OR2M3: variants seen among roughly 807,000 people sequenced by gnomAD.
OR2M3 encodes the protein olfactory receptor 2M3.
In OR2M3, 1 loss-of-function variant was observed where a neutral mutation model predicts 4.3. The observed-to-expected ratio is 0.23, with a 90% CI of 0.08 to 1.11. The LOEUF (loss-of-function observed/expected upper bound fraction) is 1.11, where lower values mean the gene tolerates loss of function less well. Ranked by LOEUF, OR2M3 falls within the 50% of genes most tolerant of loss-of-function variation. The pLI is 0.54. For synonymous variants in OR2M3, 151 were observed against 139.4 expected (o/e 1.08, Z -0.59); for missense variants, 410 against 390.4 (o/e 1.05, Z -0.42).
At chr1:248,199,866 C>A (rs369124805) in intron 1 of OR2M3, among the ~76,000 whole-genome samples, 1 of 152,044 alleles carries the variant, frequency 6.6e-6, no homozygotes, top group Non-Finnish European at 1.5e-5. Context: ...AATAATAGTG[C>A]ATTTATATAA....
In OR2M3 at chr1:248,202,689, A is replaced by C. The variant is rs76499971; in HGVS notation, c.-18-361A>C. Among the ~76,000 whole-genome samples, 508 of 152,162 alleles carry C rather than the reference A, an allele frequency of 3.3e-3. 3 individuals are homozygous for C. Among genetic ancestry groups the C allele is most frequent in the African/African-American group, 0.012 (484 of 41,518 alleles). On this transcript the variant is annotated intron_variant, in intron 1 of 1. Coordinates refer to ENST00000641626, the MANE Select transcript of OR2M3 (RefSeq NM_001004689.2). ...TACTGTGATGGTCACATGCTGACTG[A>C]AGCTGAATTTCTCTATCAATGTGTC... is the stretch of plus-strand genomic sequence containing the variant.
intron 1 of OR2M3, among the ~76,000 whole-genome samples, chr1:248,201,325 A>C (rs1666154105): frequency 6.6e-6 from 1 of 152,050 alleles, no homozygotes; most frequent in Non-Finnish European, 1.5e-5. Context: ...GTCTTTGCCA[A>C]ATGCCATTAT....
rs903005492 is a variant in OR2M3, at chr1:248,211,778, G to C, written c.*7772G>C. On this transcript the variant is annotated 3_prime_UTR_variant, in exon 2 of 2. Coordinates refer to ENST00000641626, the MANE Select transcript of OR2M3 (RefSeq NM_001004689.2). ...TTTCCTAATTTGGCCAAGTGGCATG[G>C]GCTGAGCTAATTTTTGTATTTTTCA... 2.0e-5 allele frequency: 3 copies of C among 152,066 alleles called. No homozygotes were observed. Among genetic ancestry groups the C allele is most frequent in the Non-Finnish European group, 4.4e-5 (3 of 68,028 alleles). The allele number at this position is 152,066 out of a possible 1,614,324, so 9.4% of individuals were successfully genotyped here. A position where few individuals can be genotyped will look rare whatever the true frequency, so the allele number is the denominator to read the frequency against.
chr1:248,201,420 C>T (rs554097354), intron 1 of OR2M3, among the ~76,000 whole-genome samples: 2 of 152,074 alleles, frequency 1.3e-5, no homozygotes, highest in East Asian at 3.9e-4. Context: ...AAGTTTTCTC[C>T]AAAGCATTTA....
intron 1 of OR2M3, among the ~76,000 whole-genome samples, chr1:248,199,460 A>T (rs143457824): frequency 6.6e-6 from 1 of 152,082 alleles, no homozygotes; most frequent in Non-Finnish European, 1.5e-5. Context: ...TTATAAGACT[A>T]CATACAAATA....
rs2103016731 is a variant in OR2M3 at position 248,212,767 on chromosome 1, A to G, written c.*8761A>G. 6.6e-6 allele frequency: 1 copy of G among 152,126 alleles called. No individual in the cohort carries two copies. The highest frequency in any genetic ancestry group is 1.9e-4 in the East Asian group (1 of 5,182). 9.4% of individuals were successfully genotyped at this position (152,126 alleles called of 1,614,324 possible). ...CCTGTCTTTGTTTCCAGTCTCACCT[A>G]CTTTCAGCAGACAGGACAATATTTA... On this transcript the variant is annotated 3_prime_UTR_variant, in exon 2 of 2. Coordinates refer to ENST00000641626, the MANE Select transcript of OR2M3 (RefSeq NM_001004689.2).
Position 248,205,485 on chromosome 1 carries a change from G to C in OR2M3, c.*1479G>C, listed in dbSNP as rs531588334. 2.0e-5 allele frequency: 3 copies of C among 152,152 alleles called. No homozygotes were observed. Among genetic ancestry groups the C allele is most frequent in the South Asian group, 2.1e-4 (1 of 4,812 alleles). 9.4% of individuals were successfully genotyped at this position (152,152 alleles called of 1,614,324 possible). A position where few individuals can be genotyped will look rare whatever the true frequency, so the allele number is the denominator to read the frequency against. On this transcript the variant is annotated 3_prime_UTR_variant, in exon 2 of 2. Transcript: ENST00000641626. ...ATTTTTGTATAAGGTGAGCGATGAGGATCCAGTTTCATTCTTCTACATGTG... is the reference window on the plus strand; with the variant it reads ...ATTTTTGTATAAGGTGAGCGATGAGCATCCAGTTTCATTCTTCTACATGTG...
chr1:248,203,359 G>C lies in OR2M3; in HGVS notation c.292G>C (p.Ala98Pro). The C allele has an allele frequency of 6.2e-7, 1 of 1,614,076 alleles. No individual in the cohort carries two copies. Among genetic ancestry groups the C allele is most frequent in the Non-Finnish European group, 8.5e-7 (1 of 1,180,016 alleles). ...CAAGTCCATTTCTATGGCTGGTTGT[G>C]CCACACAAATTTTCTTCTATACATC... Reference protein sequence around the residue: ...GSKSISMAGCATQIFFYTSLL... With the variant: ...GSKSISMAGCPTQIFFYTSLL... The change falls in exon 2 of 2, where the codon GCC becomes CCC. Residue 98 changes from alanine (A) to proline (P), a missense_variant. Transcript: ENST00000641626.
chr1:248,201,867 C>T lies in OR2M3; in HGVS notation c.-18-1183C>T, dbSNP rs905295662. Among the ~76,000 whole-genome samples, 11 of 152,264 alleles carry T rather than the reference C, an allele frequency of 7.2e-5. No homozygotes were observed. In the South Asian group the frequency reaches 1.7e-3, roughly 23 times the overall value. ...ATATGTCATCATCTGATCACACTCACTGTGACCTGTATGCACAGGGACTTT... is the reference window on the plus strand; with the variant it reads ...ATATGTCATCATCTGATCACACTCATTGTGACCTGTATGCACAGGGACTTT... On this transcript the variant is annotated intron_variant, in intron 1 of 1. Transcript: ENST00000641626.
intron 1 of OR2M3, among the ~76,000 whole-genome samples, chr1:248,200,822 A>G (rs1015054722): frequency 1.3e-5 from 2 of 152,138 alleles, no homozygotes; most frequent in Admixed American, 6.6e-5. Context: ...AGTCAAAAAG[A>G]TATACTTTAC....
rs747905866 is a variant in OR2M3, at chr1:248,203,432, G to A, written c.365G>A (p.Arg122His). 5.3e-5 allele frequency: 85 copies of A among 1,613,846 alleles called. No homozygotes were observed. The highest frequency in any genetic ancestry group is 5.5e-5 in the Non-Finnish European group (65 of 1,179,910). ...CFLLAVMAYD[R>H]YTAICHPLRY... ...CTTTTGGCTGTTATGGCTTATGACC[G>A]CTACACTGCCATTTGCCACCCTCTA... The change falls in exon 2 of 2, where the codon CGC (arginine) becomes CAC (histidine). Residue 122 changes from arginine (R) to histidine (H), a missense_variant. Coordinates refer to ENST00000641626, the MANE Select transcript of OR2M3 (RefSeq NM_001004689.2).
rs948244220 is a variant in OR2M3, at chr1:248,211,432, T to A, written c.*7426T>A. On this transcript the variant is annotated 3_prime_UTR_variant, in exon 2 of 2. Coordinates refer to ENST00000641626, the MANE Select transcript of OR2M3 (RefSeq NM_001004689.2). ...TAAACTGCACAATGATACTTAAACATTTTATTAATAATTACAGGACTTATA... is the reference window on the plus strand; with the variant it reads ...TAAACTGCACAATGATACTTAAACAATTTATTAATAATTACAGGACTTATA... The A allele has an allele frequency of 6.6e-6, 1 of 152,130 alleles. No individual in the cohort carries two copies. Among genetic ancestry groups the A allele is most frequent in the Non-Finnish European group, 1.5e-5 (1 of 68,026 alleles). 9.4% of individuals were successfully genotyped at this position (152,130 alleles called of 1,614,324 possible).
At chr1:248,198,703 T>C (rs1179350625) in intron 1 of OR2M3, among the ~76,000 whole-genome samples, 1 of 152,166 alleles carries the variant, frequency 6.6e-6, no homozygotes, top group Admixed American at 6.6e-5. Context: ...TTACTATTGC[T>C]CTGGCAGGTG....
rs1057505689 is a variant in OR2M3 at position 248,209,464 on chromosome 1, G to A, written c.*5458G>A. 3 of 152,196 alleles carry A rather than the reference G, an allele frequency of 2.0e-5. No homozygotes were observed. The highest frequency in any genetic ancestry group is 6.5e-5 in the Admixed American group (1 of 15,280). The allele number at this position is 152,196 out of a possible 1,614,324, so 9.4% of individuals were successfully genotyped here. A position where few individuals can be genotyped will look rare whatever the true frequency, so the allele number is the denominator to read the frequency against. On this transcript the variant is annotated 3_prime_UTR_variant, in exon 2 of 2. Transcript: ENST00000641626. Reference sequence around the variant, plus strand: ...AGACTATGTCAGAGGGAAGACCTGGGATTCAAGTTCTGCTGTTCAGTGTCT... The same window carrying A: ...AGACTATGTCAGAGGGAAGACCTGGAATTCAAGTTCTGCTGTTCAGTGTCT...
Position 248,207,460 on chromosome 1 carries a change from C to G in OR2M3, c.*3454C>G, listed in dbSNP as rs1352841301. On this transcript the variant is annotated 3_prime_UTR_variant, in exon 2 of 2. Transcript: ENST00000641626. ...GGCATCTAATGGAATGAACTTTCCT[C>G]TTAGCACTGCTTTTGCTGTATCCCA... 2.0e-5 allele frequency: 3 copies of G among 152,024 alleles called. No individual in the cohort carries two copies. The highest frequency in any genetic ancestry group is 4.8e-5 in the African/African-American group (2 of 41,412). The allele number at this position is 152,024 out of a possible 1,614,324, so 9.4% of individuals were successfully genotyped here.
At chr1:248,202,765 T>TAA (rs5782455) in intron 1 of OR2M3, among the ~76,000 whole-genome samples, 2 of 148,186 alleles carry the variant, frequency 1.3e-5, no homozygotes, top group African/African-American at 2.5e-5. Context: ...TTGGAGACTT[T>TAA]AAAAAAAAAA....
chr1:248,203,582 G>A lies in OR2M3; in HGVS notation c.515G>A (p.Arg172Gln), dbSNP rs762336386. ...ATFSFSYCGS[R>Q]EIAHFFCDFP... is the part of the protein sequence containing the mutation. ...TTTTCCTTCTCCTACTGTGGGTCTC[G>A]GGAAATAGCCCACTTCTTCTGTGAC... The change falls in exon 2 of 2, where the codon CGG becomes CAG. Residue 172 changes from arginine (R) to glutamine (Q), a missense_variant. Transcript: ENST00000641626. The A allele has an allele frequency of 1.8e-5, 29 of 1,613,412 alleles. No individual in the cohort carries two copies. The highest frequency in any genetic ancestry group is 2.4e-5 in the Non-Finnish European group (28 of 1,179,756).
rs200134627 is a variant in OR2M3 at position 248,203,477 on chromosome 1, G to C, written c.410G>C (p.Ser137Thr). Residue 137 changes from serine to threonine, a missense_variant, in exon 2 of 2, where the codon AGC becomes ACC. Physicochemically the swap from Ser to Thr is moderately conservative, Grantham distance 58. Coordinates refer to ENST00000641626, the MANE Select transcript of OR2M3 (RefSeq NM_001004689.2). Reference protein sequence around the residue: ...CHPLRYTNLMSPKICGLMTAF... With the variant: ...CHPLRYTNLMTPKICGLMTAF... ...CCTCTAAGATACACCAATCTCATGA[G>C]CCCTAAAATTTGTGGACTTATGACT... The C allele has an allele frequency of 3.3e-5, 53 of 1,613,640 alleles. No homozygotes were observed. Among genetic ancestry groups the C allele is most frequent in the Admixed American group, 6.7e-5 (4 of 59,968 alleles).
chr1:248,206,994 C>T lies in OR2M3; in HGVS notation c.*2988C>T, dbSNP rs1666230061. 6.6e-6 allele frequency: 1 copy of T among 151,748 alleles called. No individual in the cohort carries two copies. Among genetic ancestry groups the T allele is most frequent in the South Asian group, 2.1e-4 (1 of 4,824 alleles). The allele number at this position is 151,748 out of a possible 1,614,324, so 9.4% of individuals were successfully genotyped here. ...ACAATTTCAGTCATGCTGCTTGTTA[C>T]TGGTCTGATCAGAGATTCTATATCT... On this transcript the variant is annotated 3_prime_UTR_variant, in exon 2 of 2. Transcript: ENST00000641626.
Sources: gnomAD v4.1 joint callset for allele counts (sites outside exome capture counted in the v4.1 genomes callset) on GRCh38, gnomAD v4.1.1 for gene constraint, MANE v1.5 for transcripts, NCBI Gene and HGNC (gene_info 2026-07-23, HGNC 2026-07-21) for gene names.